NRP2: variants seen among roughly 807,000 people sequenced by gnomAD.
NRP2 encodes the protein neuropilin-2.
In NRP2, 52 loss-of-function variants were observed where a neutral mutation model predicts 110.4. The ratio of observed to expected loss-of-function variants is 0.47; its 90% CI spans 0.38 to 0.59. The LOEUF (loss-of-function observed/expected upper bound fraction) is 0.59. NRP2 is among the 20% of genes least tolerant of loss of function. NRP2 has a pLI of 0.00. For synonymous variants in NRP2, 508 were observed against 468.9 expected (o/e 1.08, Z -1.08); for missense variants, 1,049 against 1,203.0 (o/e 0.87, Z 1.89).
At chr2:205,758,397 G>A (rs956909567) in intron 12 of NRP2, among the ~76,000 whole-genome samples, 2 of 152,212 alleles carry the variant, frequency 1.3e-5, no homozygotes, top group African/African-American at 4.8e-5. Flanking sequence ...TTGGTGAGGT[G>A]TAGACACAAC....
At chr2:205,697,479 G>GGAGT in intron 1 of NRP2, 65 bp from the exon 2 acceptor site, 1 of 1,389,334 alleles carries the variant, frequency 7.2e-7, no homozygotes, top group South Asian at 1.2e-5. Context: ...AGAGAAGGAG[G>GGAGT]GAGTGTGGGG....
intron 16 of NRP2, 28 bp from the exon 17 acceptor site, chr2:205,794,726 A>C (rs2058336104): frequency 6.2e-7 from 1 of 1,612,290 alleles, no homozygotes; most frequent in African/African-American, 1.3e-5. Context: ...CAGTGCCTGC[A>C]ATCTCTCATG....
intron 2 of NRP2, chr2:205,701,017 C>T (rs1242616702): frequency 1.8e-5 from 4 of 224,626 alleles, no homozygotes; most frequent in African/African-American, 4.6e-5. Context: ...GTTGCTGCTC[C>T]GGCAGACAGA....
chr2:205,761,105 G>A (rs2057813888), intron 12 of NRP2, among the ~76,000 whole-genome samples: 1 of 152,206 alleles, frequency 6.6e-6, no homozygotes. Flanking sequence ...GAAAGTGGCT[G>A]TTGGCTTGGG....
chr2:205,683,310 C>T lies in NRP2; in HGVS notation c.20C>T (p.Thr7Ile). 6.2e-7 allele frequency: 1 copy of T among 1,613,864 alleles called. No individual in the cohort carries two copies. Residue 7 changes from threonine (T) to isoleucine (I), a missense_variant, in exon 1 of 17, where the codon ACC (threonine) becomes ATC (isoleucine). By Grantham distance (89) the Thr-to-Ile change is moderately conservative. Transcript: ENST00000357785. ...TCCAAAATGGATATGTTTCCTCTCA[C>T]CTGGGTTTTCTTAGCCCTCTACTTT... MDMFPLTWVFLALYFSR... is the reference protein window; with the variant it reads MDMFPLIWVFLALYFSR...
At chr2:205,766,724 T>C in intron 14 of NRP2, 59 bp from the exon 15 acceptor site, 4 of 1,446,224 alleles carry the variant, frequency 2.8e-6, no homozygotes, top group Non-Finnish European at 3.9e-6. Context: ...ATTCACTCTA[T>C]GTTCACCCAA....
intron 2 of NRP2, among the ~76,000 whole-genome samples, chr2:205,705,480 T>C (rs190078527): frequency 6.4e-4 from 97 of 152,360 alleles, no homozygotes; most frequent in African/African-American, 2.2e-3. Flanking sequence ...TTTTTATGCC[T>C]CTTTTCGAGC....
intron 3 of NRP2, among the ~76,000 whole-genome samples, chr2:205,718,400 T>C (rs2056943412): frequency 6.6e-6 from 1 of 152,146 alleles, no homozygotes; most frequent in South Asian, 2.1e-4. Flanking sequence ...AAGCAACAAG[T>C]CTGTGAACTG....
At chr2:205,787,983 G>A (rs989895052) in intron 15 of NRP2, among the ~76,000 whole-genome samples, 1 of 152,128 alleles carries the variant, frequency 6.6e-6, no homozygotes, top group Non-Finnish European at 1.5e-5. Context: ...TTCACCCTTT[G>A]TGCCGTAGTG....
chr2:205,736,715 A>G (rs1209494862), intron 7 of NRP2, among the ~76,000 whole-genome samples: 1 of 152,184 alleles, frequency 6.6e-6, no homozygotes, highest in Non-Finnish European at 1.5e-5. Flanking sequence ...AAGGTATCTA[A>G]GGTTTATTGA....
chr2:205,697,611 G>C lies in NRP2; in HGVS notation c.141G>C (p.Gln47His). ...ATATCACCTCTCCCGGTTACCCCCA[G>C]GACTACCCCTCCCACCAGAACTGCG... Reference protein sequence around the residue: ...AGYITSPGYPQDYPSHQNCEW... With the variant: ...AGYITSPGYPHDYPSHQNCEW... The change falls in exon 2 of 17, where the codon CAG becomes CAC. Residue 47 changes from glutamine to histidine, a missense_variant. By Grantham distance (24) the Gln-to-His change is conservative. Transcript: ENST00000357785. 1 of 1,613,950 alleles carries C rather than the reference G, an allele frequency of 6.2e-7. No individual in the cohort carries two copies. The highest frequency in any genetic ancestry group is 8.5e-7 in the Non-Finnish European group (1 of 1,179,966).
intron 7 of NRP2, among the ~76,000 whole-genome samples, chr2:205,736,212 CAT>C (rs1304782604): frequency 6.6e-6 from 1 of 152,018 alleles, no homozygotes; most frequent in Non-Finnish European, 1.5e-5. Flanking sequence ...CTTGGTGGCG[CAT>C]ACCTGTAATC....
In NRP2 at chr2:205,795,555, C is replaced by CA. The variant is rs1052682771; in HGVS notation, c.*503dup. The CA allele has an allele frequency of 6.6e-6, 1 of 152,448 alleles. No homozygotes were observed. 9.4% of individuals were successfully genotyped at this position (152,448 alleles called of 1,614,324 possible). On this transcript the variant is annotated 3_prime_UTR_variant, in exon 17 of 17. Coordinates refer to ENST00000357785, the MANE Select transcript of NRP2 (RefSeq NM_003872.3). ...CCTTTCCATCTTTACAAATAAAACT[C>CA]AAAAAAGCCGTCCAGCTTATCCCAT...
At chr2:205,683,763 T>C (rs2056075799) in intron 1 of NRP2, among the ~76,000 whole-genome samples, 3 of 152,244 alleles carry the variant, frequency 2.0e-5, no homozygotes, top group Non-Finnish European at 4.4e-5. Flanking sequence ...ATAAATCATT[T>C]GCATTCCCTC....
At chr2:205,739,064 T>G (rs1277698768) in intron 7 of NRP2, among the ~76,000 whole-genome samples, 1 of 152,228 alleles carries the variant, frequency 6.6e-6, no homozygotes, top group South Asian at 2.1e-4. Context: ...TGTAGACTTC[T>G]GTGCTGCTCT....
chr2:205,683,555 AGT>A (rs60199072), intron 1 of NRP2, among the ~76,000 whole-genome samples, 192 bp downstream of exon 1: 41,166 of 149,882 alleles, frequency 0.27, 5,639 homozygotes, highest in Non-Finnish European at 0.31. Context: ...TCCTGCTAGG[AGT>A]GTGTGTGTGT....
At chr2:205,741,787 T>C (rs1452627024) in intron 8 of NRP2, among the ~76,000 whole-genome samples, 1 of 152,246 alleles carries the variant, frequency 6.6e-6, no homozygotes, top group Non-Finnish European at 1.5e-5. Context: ...GTACAGTCTC[T>C]GCATCTCCAC....
chr2:205,797,017 G>A lies in NRP2; in HGVS notation c.*1959G>A, dbSNP rs1162205258. The A allele has an allele frequency of 6.6e-6, 1 of 152,658 alleles. No individual in the cohort carries two copies. The highest frequency in any genetic ancestry group is 1.9e-4 in the East Asian group (1 of 5,200). 9.5% of individuals were successfully genotyped at this position (152,658 alleles called of 1,614,324 possible). ...GCAGAGAGCAAGAGTTCAACCAACAGCTGTTTATTCATGTGTGTGTGTCTT... is the reference window on the plus strand; with the variant it reads ...GCAGAGAGCAAGAGTTCAACCAACAACTGTTTATTCATGTGTGTGTGTCTT... On this transcript the variant is annotated 3_prime_UTR_variant, in exon 17 of 17. Transcript: ENST00000357785.
In NRP2 at chr2:205,725,098, G is replaced by A. The variant is rs1239764680; in HGVS notation, c.821-815G>A. On this transcript the variant is annotated intron_variant, in intron 5 of 16. Transcript: ENST00000357785. This position sits in a 1 kb window ranked among gnomAD's most constrained non-coding sequence, Gnocchi z 4.1. ...AGCCTGGCCTGCAGGAAGGTTGCTG[G>A]GTTTTGCATTTGTTTTTTCATCAAA... Among the ~76,000 whole-genome samples the A allele has an allele frequency of 2.6e-5, 4 of 152,156 alleles. No individual in the cohort carries two copies. The highest frequency in any genetic ancestry group is 2.6e-4 in the Admixed American group (4 of 15,274).
Sources: allele counts gnomAD v4.1 joint callset (sites outside exome capture counted in the v4.1 genomes callset), GRCh38; gene constraint gnomAD v4.1.1; non-coding constraint Gnocchi (gnomAD v3.1); transcripts MANE v1.5; gene names NCBI Gene and HGNC (gene_info 2026-07-23, HGNC 2026-07-21).